The following JMY variants were observed in gnomAD, a reference collection of about 807,000 sequenced individuals.
JMY encodes junction mediating and regulatory protein, p53 cofactor.
A neutral mutation model predicts 103.3 loss-of-function variants in JMY; 46 were observed. The observed-to-expected ratio is 0.45, with a 90% CI of 0.35 to 0.57. The LOEUF is 0.57. JMY is among the 20% of genes least tolerant of loss of function. The pLI, the probability that JMY is intolerant of heterozygous loss-of-function variation, is 0.00. For missense variants in JMY, 1,238 were observed against 1,255.2 expected (o/e 0.99, Z 0.21); for synonymous variants, 526 against 489.3 (o/e 1.07, Z -0.99).
intron 10 of JMY, among the ~76,000 whole-genome samples, chr5:79,317,725 G>A (rs1413224671): frequency 6.6e-6 from 1 of 152,114 alleles, no homozygotes; most frequent in Non-Finnish European, 1.5e-5. Flanking sequence ...TAGAGACAGA[G>A]TCTCCCTCTG....
chr5:79,312,730 T>C (rs1240189494), intron 8 of JMY, among the ~76,000 whole-genome samples: 1 of 152,156 alleles, frequency 6.6e-6, no homozygotes, highest in Non-Finnish European at 1.5e-5. Flanking sequence ...TTCAGTAGTA[T>C]AAGAGGAATG....
chr5:79,268,075 G>A (rs915969851), intron 1 of JMY, among the ~76,000 whole-genome samples: 2 of 152,022 alleles, frequency 1.3e-5, no homozygotes, highest in African/African-American at 4.8e-5. Flanking sequence ...GAGACCCATC[G>A]CTACAAAAAA....
chr5:79,281,023 TA>T (rs1179637435), intron 2 of JMY, among the ~76,000 whole-genome samples: 2 of 151,292 alleles, frequency 1.3e-5, no homozygotes, highest in Non-Finnish European at 2.9e-5. Flanking sequence ...AAAAAGAAAA[TA>T]ATTTATTTTT....
chr5:79,260,557 GTTTTT>G (rs1330502586), intron 1 of JMY, among the ~76,000 whole-genome samples: 2 of 142,638 alleles, frequency 1.4e-5, no homozygotes, highest in African/African-American at 5.1e-5. Flanking sequence ...ATTTTTGTGG[GTTTTT>G]TTTTTTTTTG....
At chr5:79,272,544 T>G (rs964412870) in intron 1 of JMY, among the ~76,000 whole-genome samples, 2 of 152,188 alleles carry the variant, frequency 1.3e-5, no homozygotes, top group African/African-American at 4.8e-5. Flanking sequence ...ATAACTTGAA[T>G]ATATTGGGGC....
At position 79,274,133 on chromosome 5, in the gene JMY, C is replaced by CTT. The variant is rs60533363; in HGVS notation, c.1033-3770_1033-3769dup. 6.6e-5 allele frequency among the ~76,000 whole-genome samples: 10 copies of CTT among 151,758 alleles called. No homozygotes were observed. The East Asian group carries it at 7.8e-4, about 12-fold the overall frequency. The stretch of plus-strand genomic sequence containing the variant: ...AGTGAACCACCACACCCAGCACTTT[C>CTT]TTTTTTTTCTATAAGATTGGATAAT... On this transcript the variant is annotated intron_variant, in intron 1 of 10. Coordinates refer to ENST00000396137, the MANE Select transcript of JMY (RefSeq NM_152405.5).
intron 1 of JMY, among the ~76,000 whole-genome samples, chr5:79,260,846 G>A (rs1745399668): frequency 1.3e-5 from 2 of 152,054 alleles, no homozygotes; most frequent in South Asian, 4.1e-4. Flanking sequence ...ATGTGGAAAT[G>A]TATGGCACTG....
At chr5:79,279,023 T>C (rs1027047439) in intron 2 of JMY, among the ~76,000 whole-genome samples, 6 of 152,122 alleles carry the variant, frequency 3.9e-5, no homozygotes, top group African/African-American at 1.2e-4. Flanking sequence ...TTTATTAGTG[T>C]GTGACAAAGT....
rs374003788 is a variant in JMY at position 79,240,801 on chromosome 5, TA to T, written c.1032+3121del. On this transcript the variant is annotated intron_variant, in intron 1 of 10. Coordinates refer to ENST00000396137, the MANE Select transcript of JMY (RefSeq NM_152405.5). ...TAGGATGCTAGCCATGTATTTGTCT[TA>T]AGCTAATTAAATTTAACTTTGCTTT... is the stretch of plus-strand genomic sequence containing the variant. Among the ~76,000 whole-genome samples the T allele has an allele frequency of 5.2e-3, 796 of 152,364 alleles. 4 individuals are homozygous for T. The highest frequency in any genetic ancestry group is 8.6e-3 in the Non-Finnish European group (586 of 68,044).
At chr5:79,319,028 C>G (rs1360207861) in intron 10 of JMY, among the ~76,000 whole-genome samples, 1 of 152,182 alleles carries the variant, frequency 6.6e-6, no homozygotes, top group Non-Finnish European at 1.5e-5. Flanking sequence ...GTGTGTTTAG[C>G]TCTTTCATTA....
intron 2 of JMY, among the ~76,000 whole-genome samples, chr5:79,280,239 A>G (rs1218402952): frequency 6.6e-6 from 1 of 152,168 alleles, no homozygotes; most frequent in Non-Finnish European, 1.5e-5. Context: ...ATACCCACCT[A>G]CTTTAGACTG....
chr5:79,240,746 G>A (rs1355045135), intron 1 of JMY, among the ~76,000 whole-genome samples: 3 of 152,226 alleles, frequency 2.0e-5, no homozygotes, highest in Non-Finnish European at 2.9e-5. Flanking sequence ...GATTGGTGAT[G>A]TCTGCCATGG....
At chr5:79,296,278 T>G (rs1746559281) in intron 4 of JMY, among the ~76,000 whole-genome samples, 1 of 152,222 alleles carries the variant, frequency 6.6e-6, no homozygotes, top group Non-Finnish European at 1.5e-5. Flanking sequence ...GAATTTTCCA[T>G]TTTCCAGGAT....
At chr5:79,287,842 TTTTC>T (rs1244549247) in intron 2 of JMY, among the ~76,000 whole-genome samples, 1 of 152,260 alleles carries the variant, frequency 6.6e-6, no homozygotes. Context: ...TCCATTTGTC[TTTTC>T]TTTGTATTGT....
chr5:79,294,193 C>T (rs1021884073), intron 4 of JMY, among the ~76,000 whole-genome samples: 1 of 152,052 alleles, frequency 6.6e-6, no homozygotes, highest in Non-Finnish European at 1.5e-5. Context: ...CACCTGAGGT[C>T]AGGAGTTCAA....
intron 1 of JMY, among the ~76,000 whole-genome samples, chr5:79,264,648 A>G (rs1745528648): frequency 6.6e-6 from 1 of 152,200 alleles, no homozygotes; most frequent in Admixed American, 6.5e-5. Context: ...TGACCCATGC[A>G]CTGGAGATAA....
rs35099268 is a variant in JMY at position 79,258,314 on chromosome 5, GT to G, written c.1033-19580del. Among the ~76,000 whole-genome samples, 72 of 76,288 alleles carry G rather than the reference GT, an allele frequency of 9.4e-4. 1 individual carries two copies. Among genetic ancestry groups the G allele is most frequent in the Admixed American group, 2.9e-3 (18 of 6,304 alleles). 50.0% of individuals were successfully genotyped at this position (76,288 alleles called of 152,430 possible). On this transcript the variant is annotated intron_variant, in intron 1 of 10. Transcript: ENST00000396137. ...TATTAGGGCTTTTTTTGTTTTTGTTGTTTTTTTTTTTTTTTTGACAGGGTCT... is the reference window on the plus strand; with the variant it reads ...TATTAGGGCTTTTTTTGTTTTTGTTGTTTTTTTTTTTTTTTGACAGGGTCT...
At chr5:79,321,374 T>C (rs1046752060) in intron 10 of JMY, among the ~76,000 whole-genome samples, 22 of 152,212 alleles carry the variant, frequency 1.4e-4, no homozygotes, top group Admixed American at 6.5e-5. Context: ...TTTTAGTATA[T>C]AGTTTTCATA....
intron 1 of JMY, among the ~76,000 whole-genome samples, chr5:79,241,407 AAG>A (rs1744736995): frequency 6.6e-6 from 1 of 152,240 alleles, no homozygotes; most frequent in Non-Finnish European, 1.5e-5. Context: ...GTGAAGTTGT[AAG>A]TAAAATTTTT....
Sources: allele counts gnomAD v4.1 joint callset (sites outside exome capture counted in the v4.1 genomes callset), GRCh38; gene constraint gnomAD v4.1.1; transcripts MANE v1.5; gene names NCBI Gene and HGNC (gene_info 2026-07-23, HGNC 2026-07-21).